RBFOX1: variants seen among roughly 807,000 people sequenced by gnomAD.
The protein encoded by RBFOX1 is RNA binding protein fox-1 homolog 1.
RBFOX1 carries 8 observed loss-of-function variants against 57.7 expected under a neutral mutation model. The observed-to-expected ratio is 0.14, with a 90% CI of 0.08 to 0.25. The LOEUF is 0.25. Ranked by LOEUF, RBFOX1 falls within the 10% of genes least tolerant of loss-of-function variation. RBFOX1 has a pLI of 1.00. For synonymous variants in RBFOX1, 326 were observed against 222.4 expected (o/e 1.47, Z -4.15); for missense variants, 611 against 548.5 (o/e 1.11, Z -1.14).
At chr16:7,577,021 C>G (rs1340984791) in intron 5 of RBFOX1, among the ~76,000 whole-genome samples, 2 of 152,210 alleles carry the variant, frequency 1.3e-5, no homozygotes, top group Admixed American at 1.3e-4. Flanking sequence ...CTCGTATTCT[C>G]AGCGGAGAAA....
At chr16:7,434,653 A>T (rs1273371347) in intron 4 of RBFOX1, among the ~76,000 whole-genome samples, 1 of 152,170 alleles carries the variant, frequency 6.6e-6, no homozygotes. Flanking sequence ...TTATTTTAGA[A>T]TACTTTTACA....
chr16:7,512,184 C>G (rs568041423), intron 4 of RBFOX1, among the ~76,000 whole-genome samples: 4 of 152,162 alleles, frequency 2.6e-5, no homozygotes, highest in Middle Eastern at 3.2e-3. Context: ...CCAGAATGCT[C>G]CAAATAATTT....
chr16:7,597,367 A>T lies in RBFOX1; in HGVS notation c.562-4A>T, dbSNP rs754871113. 5.0e-6 allele frequency: 8 copies of T among 1,607,056 alleles called. No individual in the cohort carries two copies. The East Asian group carries it at 1.6e-4, about 31-fold the overall frequency. The stretch of plus-strand genomic sequence containing the variant: ...GTGCTTACTTGAGTTTTCTATGTAC[A>T]TAGGTAAATAATGCCACAGCACGTG... On this transcript the variant is annotated splice_polypyrimidine_tract_variant and splice_region_variant and intron_variant, in intron 8 of 15. Coordinates refer to ENST00000550418, the MANE Select transcript of RBFOX1 (RefSeq NM_018723.4).
chr16:7,426,797 G>A (rs941960448), intron 4 of RBFOX1, among the ~76,000 whole-genome samples: 19 of 152,312 alleles, frequency 1.2e-4, no homozygotes, highest in African/African-American at 4.3e-4. Flanking sequence ...CTACAGGGGT[G>A]TAAGCAGAGA....
intron 4 of RBFOX1, among the ~76,000 whole-genome samples, chr16:7,337,577 A>T (rs368838524): frequency 5.3e-5 from 8 of 152,210 alleles, no homozygotes; most frequent in Non-Finnish European, 8.8e-5. Flanking sequence ...AGGAATCTCA[A>T]CAATGGAACT....
At chr16:5,470,663 A>G (rs567857983) in intron 2 of RBFOX1, among the ~76,000 whole-genome samples, 23 of 151,816 alleles carry the variant, frequency 1.5e-4, no homozygotes, top group African/African-American at 5.3e-4. Flanking sequence ...CTCTTTTTCT[A>G]CCATGGAGTG....
At chr16:6,972,710 G>A (rs895680035) in intron 3 of RBFOX1, among the ~76,000 whole-genome samples, 1 of 152,146 alleles carries the variant, frequency 6.6e-6, no homozygotes, top group African/African-American at 2.4e-5. Flanking sequence ...TGGAGGCAGA[G>A]GTGGTCTCAT....
intron 2 of RBFOX1, among the ~76,000 whole-genome samples, chr16:6,585,415 T>C (rs996996252): frequency 6.6e-6 from 1 of 152,214 alleles, no homozygotes; most frequent in African/African-American, 2.4e-5. Flanking sequence ...TTTTCAATTT[T>C]AATTCTAAGG....
chr16:5,368,406 A>G (rs1489016824), intron 1 of RBFOX1, among the ~76,000 whole-genome samples: 1 of 152,144 alleles, frequency 6.6e-6, no homozygotes. Context: ...GTGGGTTTTC[A>G]TCTCCCACCC....
At chr16:7,636,989 T>G (rs1288350781) in intron 11 of RBFOX1, among the ~76,000 whole-genome samples, 1 of 152,198 alleles carries the variant, frequency 6.6e-6, no homozygotes, top group Non-Finnish European at 1.5e-5. Context: ...CATTGGGGGT[T>G]ACGGCTTCCA....
chr16:7,597,858 A>G (rs1377121918), intron 9 of RBFOX1, among the ~76,000 whole-genome samples: 1 of 152,132 alleles, frequency 6.6e-6, no homozygotes, highest in African/African-American at 2.4e-5. Flanking sequence ...CAGAGAGATT[A>G]GTCATTTGAA....
chr16:6,519,470 T>A (rs8047527), intron 2 of RBFOX1, among the ~76,000 whole-genome samples: 1 of 151,946 alleles, frequency 6.6e-6, no homozygotes, highest in Non-Finnish European at 1.5e-5. Context: ...GGAGGCCAAC[T>A]CAGGAAGATC....
At chr16:5,862,074 T>A (rs1158982988) in intron 3 of RBFOX1, among the ~76,000 whole-genome samples, 1 of 152,088 alleles carries the variant, frequency 6.6e-6, no homozygotes, top group Non-Finnish European at 1.5e-5. Context: ...CCTCCACATG[T>A]GTGTCATTCA....
chr16:5,409,075 T>G (rs2151458825), intron 1 of RBFOX1, among the ~76,000 whole-genome samples: 1 of 152,136 alleles, frequency 6.6e-6, no homozygotes, highest in Non-Finnish European at 1.5e-5. Flanking sequence ...GTGCTAAGTG[T>G]TAAGGTAGGG....
At chr16:5,911,379 C>T (rs201227614) in intron 4 of RBFOX1, among the ~76,000 whole-genome samples, 1 of 152,136 alleles carries the variant, frequency 6.6e-6, no homozygotes, top group East Asian at 1.9e-4. Context: ...GTGCCACAGC[C>T]GTATCTTCAG....
chr16:7,232,683 A>G (rs909849202), intron 4 of RBFOX1, among the ~76,000 whole-genome samples: 3 of 151,912 alleles, frequency 2.0e-5, no homozygotes, highest in African/African-American at 7.3e-5. Flanking sequence ...CTCTACTAAA[A>G]ATGCAAAATT....
At chr16:6,258,635 C>G (rs1336242043) in intron 1 of RBFOX1, among the ~76,000 whole-genome samples, 4 of 152,148 alleles carry the variant, frequency 2.6e-5, no homozygotes, top group Middle Eastern at 3.2e-3. Flanking sequence ...TCATCTTGTC[C>G]TGCAATATTT....
intron 4 of RBFOX1, among the ~76,000 whole-genome samples, chr16:7,513,633 C>G (rs554726552): frequency 2.0e-5 from 3 of 152,170 alleles, no homozygotes; most frequent in African/African-American, 7.2e-5. Flanking sequence ...TGTGACAAAA[C>G]TGTCTCCAGT....
At chr16:5,681,389 C>CT (rs1003773008) in intron 3 of RBFOX1, among the ~76,000 whole-genome samples, 2,560 of 126,510 alleles carry the variant, frequency 0.02, 57 homozygotes, top group Admixed American at 0.052. Flanking sequence ...CAGCTTTTTT[C>CT]TTTTTTTTTT....
Sources: allele counts gnomAD v4.1 joint callset (sites outside exome capture counted in the v4.1 genomes callset), GRCh38; gene constraint gnomAD v4.1.1; transcripts MANE v1.5; gene names NCBI Gene and HGNC (gene_info 2026-07-23, HGNC 2026-07-21).